DOCK1: variants seen among roughly 807,000 people sequenced by gnomAD.
DOCK1 encodes the protein dedicator of cytokinesis protein 1.
DOCK1 carries 138 observed loss-of-function variants against 262.7 expected under a neutral mutation model. That is an observed-to-expected ratio of 0.53 (90% CI 0.46 to 0.61). The LOEUF (loss-of-function observed/expected upper bound fraction) is 0.61, where lower values mean the gene tolerates loss of function less well. DOCK1 is among the 20% of genes least tolerant of loss of function. DOCK1 has a pLI of 0.00. For synonymous variants in DOCK1, 866 were observed against 867.4 expected (o/e 1.00, Z 0.03); for missense variants, 1,908 against 2,370.7 (o/e 0.80, Z 4.05).
At chr10:127,278,505 G>C (rs2060828117) in intron 29 of DOCK1, among the ~76,000 whole-genome samples, 1 of 152,126 alleles carries the variant, frequency 6.6e-6, no homozygotes, top group Non-Finnish European at 1.5e-5. Context: ...TCCAATCTGA[G>C]AGAATTAAGC....
chr10:127,347,520 A>G (rs1027290717), intron 31 of DOCK1, among the ~76,000 whole-genome samples: 3 of 152,172 alleles, frequency 2.0e-5, no homozygotes, highest in African/African-American at 7.2e-5. Context: ...GGCGCCATCT[A>G]CATATGAGCA....
At chr10:127,309,623 G>A (rs959676507) in intron 29 of DOCK1, among the ~76,000 whole-genome samples, 6 of 152,114 alleles carry the variant, frequency 3.9e-5, no homozygotes, top group African/African-American at 1.4e-4. Flanking sequence ...TGTATAAGGT[G>A]TAAGGAAGGG....
At position 126,981,903 on chromosome 10, in the gene DOCK1, T is replaced by TC. The variant is rs368469103; in HGVS notation, c.172-15_172-14insC. 1.1e-5 allele frequency: 18 copies of TC among 1,603,650 alleles called. No individual in the cohort carries two copies. The African/African-American group carries it at 2.0e-4, about 18-fold the overall frequency. On this transcript the variant is annotated splice_polypyrimidine_tract_variant and intron_variant, in intron 3 of 51. Transcript: ENST00000623213. ...ATTGATAATAAAAGCTACTGTTTTT[T>TC]TTTTCCTCCCAAAGGGTATATTTCC...
intron 48 of DOCK1, among the ~76,000 whole-genome samples, chr10:127,436,875 T>C: frequency 6.6e-6 from 1 of 152,090 alleles, no homozygotes; most frequent in East Asian, 1.9e-4. Flanking sequence ...AAAATCCAAA[T>C]AAGGTTCCCA....
intron 16 of DOCK1, 109 bp downstream of exon 16, chr10:127,026,533 G>T: frequency 1.0e-6 from 1 of 985,228 alleles, no homozygotes; most frequent in Non-Finnish European, 1.5e-6. Flanking sequence ...AACACAATAA[G>T]GCTCATTTCC....
Position 127,366,659 on chromosome 10 carries a change from G to T in DOCK1, c.3432+4447G>T, listed in dbSNP as rs73386524. On this transcript the variant is annotated intron_variant, in intron 33 of 51. Coordinates refer to ENST00000623213, the MANE Select transcript of DOCK1 (RefSeq NM_001290223.2). ...TGGTCTTCCTAAAGCACAAGGGATG[G>T]CCCCTATTGTCGGTGATGTGGGCGA... Among the ~76,000 whole-genome samples the T allele has an allele frequency of 8.2e-3, 1,150 of 139,690 alleles. 13 individuals carry two copies. The highest frequency in any genetic ancestry group is 0.03 in the African/African-American group (1,100 of 36,910). 91.6% of individuals were successfully genotyped at this position (139,690 alleles called of 152,430 possible).
At chr10:127,279,237 C>T (rs895024285) in intron 29 of DOCK1, among the ~76,000 whole-genome samples, 3 of 152,120 alleles carry the variant, frequency 2.0e-5, no homozygotes, top group Non-Finnish European at 2.9e-5. Flanking sequence ...TAATGAAAAT[C>T]AAAATCAAAG....
At chr10:126,930,265 C>G (rs933401656) in intron 1 of DOCK1, among the ~76,000 whole-genome samples, 1 of 152,226 alleles carries the variant, frequency 6.6e-6, no homozygotes, top group Non-Finnish European at 1.5e-5. Flanking sequence ...TGGGAACATT[C>G]ATGTCCACAT....
intron 29 of DOCK1, among the ~76,000 whole-genome samples, chr10:127,268,961 G>A (rs1468817984): frequency 6.6e-6 from 1 of 152,148 alleles, no homozygotes; most frequent in African/African-American, 2.4e-5. Flanking sequence ...AGCCTGGGGT[G>A]AAAGAGTAGC....
At chr10:126,942,815 T>G (rs1352464447) in intron 1 of DOCK1, among the ~76,000 whole-genome samples, 1 of 152,242 alleles carries the variant, frequency 6.6e-6, no homozygotes, top group Non-Finnish European at 1.5e-5. Flanking sequence ...ATTTGCAAGA[T>G]GTTTCTTTCC....
intron 33 of DOCK1, among the ~76,000 whole-genome samples, chr10:127,367,985 C>G (rs2065016915): frequency 6.6e-6 from 1 of 152,200 alleles, no homozygotes; most frequent in South Asian, 2.1e-4. Context: ...CCACTGTCAG[C>G]CACCCCCTCC....
At chr10:127,199,088 C>A (rs868262968) in intron 27 of DOCK1, among the ~76,000 whole-genome samples, 5 of 151,604 alleles carry the variant, frequency 3.3e-5, no homozygotes, top group African/African-American at 1.2e-4. Flanking sequence ...TTGATAGATT[C>A]ATTTTAGGAA....
chr10:127,403,788 G>C (rs1386954675), intron 39 of DOCK1, among the ~76,000 whole-genome samples: 2 of 152,140 alleles, frequency 1.3e-5, no homozygotes, highest in African/African-American at 4.8e-5. Flanking sequence ...CCCCTTCTAT[G>C]AGAGAGGGAT....
chr10:127,376,661 T>A (rs1334338529), intron 35 of DOCK1, among the ~76,000 whole-genome samples: 2 of 152,240 alleles, frequency 1.3e-5, no homozygotes, highest in Non-Finnish European at 2.9e-5. Flanking sequence ...TACAAAATCC[T>A]TCCCTACTAT....
chr10:126,949,211 G>A (rs1041243764), intron 1 of DOCK1, among the ~76,000 whole-genome samples: 3 of 152,198 alleles, frequency 2.0e-5, no homozygotes, highest in Middle Eastern at 3.4e-3. Flanking sequence ...ACCTGGGTTG[G>A]GGGACATGGG....
intron 21 of DOCK1, among the ~76,000 whole-genome samples, chr10:127,050,753 T>C (rs955615422): frequency 2.0e-5 from 3 of 152,074 alleles, no homozygotes; most frequent in African/African-American, 2.4e-5. Context: ...AGCAGTGTTA[T>C]GATACCCCAA....
chr10:127,378,558 G>A (rs550826173), intron 35 of DOCK1, among the ~76,000 whole-genome samples: 1 of 152,302 alleles, frequency 6.6e-6, no homozygotes, highest in South Asian at 2.1e-4. Flanking sequence ...GAAGTCCTAG[G>A]AAGGGAACAG....
At chr10:127,346,317 C>T (rs755043027) in intron 31 of DOCK1, among the ~76,000 whole-genome samples, 3 of 152,174 alleles carry the variant, frequency 2.0e-5, no homozygotes, top group Admixed American at 6.5e-5. Context: ...GCACTAACAG[C>T]GGTGCGGTGG....
Position 127,428,986 on chromosome 10 carries a change from GTGCCGTGTGGATTGGGA to G in DOCK1, c.4914+2992_4914+3008del, listed in dbSNP as rs1282539391. Among the ~76,000 whole-genome samples, 98 of 132,720 alleles carry G rather than the reference GTGCCGTGTGGATTGGGA, an allele frequency of 7.4e-4. 1 individual carries two copies. Among genetic ancestry groups the G allele is most frequent in the South Asian group, 1.1e-3 (5 of 4,348 alleles). 87.1% of individuals were successfully genotyped at this position (132,720 alleles called of 152,430 possible). On this transcript the variant is annotated intron_variant, in intron 47 of 51. Transcript: ENST00000623213. ...GGATTCGGGTACCATGTGGATTGGGGTGCCGTGTGGATTGGGATGCCGTGTGGATTGGGGTGCCGTGT... is the reference window on the plus strand; with the variant it reads ...GGATTCGGGTACCATGTGGATTGGGGTGCCGTGTGGATTGGGGTGCCGTGT...
Sources: gnomAD v4.1 joint callset for allele counts (sites outside exome capture counted in the v4.1 genomes callset) on GRCh38, gnomAD v4.1.1 for gene constraint, MANE v1.5 for transcripts, NCBI Gene and HGNC (gene_info 2026-07-23, HGNC 2026-07-21) for gene names.